Variants in CAMKMT observed in about 807,000 individuals in gnomAD.
CAMKMT encodes CaM KMT.
CAMKMT carries 53 observed loss-of-function variants against 48.0 expected under a neutral mutation model. The observed-to-expected ratio is 1.10, with a 90% confidence interval of 0.89 to 1.39. The LOEUF is 1.39. CAMKMT is among the 40% of genes most tolerant of loss of function. The probability of loss-of-function intolerance (pLI) is 0.00; values close to 1 mark genes in which losing one functional copy is unlikely to be tolerated. For missense variants in CAMKMT, 428 were observed against 402.7 expected (o/e 1.06, Z -0.54); for synonymous variants, 165 against 152.3 (o/e 1.08, Z -0.61).
chr2:44,373,734 C>T (rs756561815), intron 2 of CAMKMT, among the ~76,000 whole-genome samples: 10 of 152,030 alleles, frequency 6.6e-5, no homozygotes, highest in Non-Finnish European at 1.5e-5. Context: ...AATATCTAAG[C>T]TTTAAAACAT....
At chr2:44,712,254 A>G (rs1677924536) in intron 6 of CAMKMT, among the ~76,000 whole-genome samples, 1 of 152,114 alleles carries the variant, frequency 6.6e-6, no homozygotes, top group South Asian at 2.1e-4. Context: ...TCCAGCGAAA[A>G]TAAAGATAAC....
intron 3 of CAMKMT, among the ~76,000 whole-genome samples, chr2:44,515,413 G>A (rs1670786396): frequency 6.6e-6 from 1 of 152,144 alleles, no homozygotes; most frequent in African/African-American, 2.4e-5. Flanking sequence ...TCTGGTAAGG[G>A]ATATCTATAA....
intron 1 of CAMKMT, among the ~76,000 whole-genome samples, chr2:44,370,515 G>A (rs1032721717): frequency 1.4e-4 from 21 of 151,914 alleles, no homozygotes; most frequent in African/African-American, 5.1e-4. Flanking sequence ...TAACCTCCCT[G>A]TATCACATTG....
intron 2 of CAMKMT, among the ~76,000 whole-genome samples, chr2:44,383,324 C>T (rs1290501710): frequency 6.6e-6 from 1 of 151,968 alleles, no homozygotes; most frequent in East Asian, 1.9e-4. Context: ...GCCACCACAC[C>T]CGGCTAATTT....
chr2:44,412,885 G>A (rs970404391), intron 3 of CAMKMT, among the ~76,000 whole-genome samples: 4 of 151,526 alleles, frequency 2.6e-5, no homozygotes, highest in Non-Finnish European at 4.4e-5. Flanking sequence ...AGACCAGCTT[G>A]ACCAACATGG....
chr2:44,739,072 G>A (rs1355574465), intron 7 of CAMKMT, among the ~76,000 whole-genome samples: 2 of 152,156 alleles, frequency 1.3e-5, no homozygotes, highest in Non-Finnish European at 2.9e-5. Flanking sequence ...TGGTAACCAG[G>A]CCCAATTGTG....
chr2:44,364,038 AAGAT>A (rs1678331309), intron 1 of CAMKMT, among the ~76,000 whole-genome samples: 1 of 137,384 alleles, frequency 7.3e-6, no homozygotes, highest in Non-Finnish European at 1.6e-5. Context: ...TTTTTTAAAT[AAGAT>A]AGAGTCTTGC....
At chr2:44,655,664 A>G (rs1674339219) in intron 3 of CAMKMT, among the ~76,000 whole-genome samples, 1 of 152,322 alleles carries the variant, frequency 6.6e-6, no homozygotes, top group South Asian at 2.1e-4. Context: ...ATTTAAAGCA[A>G]GGAGCAGAGA....
chr2:44,694,692 A>T (rs1676842980), intron 3 of CAMKMT, among the ~76,000 whole-genome samples: 1 of 152,240 alleles, frequency 6.6e-6, no homozygotes, highest in African/African-American at 2.4e-5. Flanking sequence ...CAGCTGTTTT[A>T]GTGTTGGCTG....
intron 3 of CAMKMT, among the ~76,000 whole-genome samples, chr2:44,585,260 G>T (rs1245357858): frequency 6.6e-6 from 1 of 152,130 alleles, no homozygotes; most frequent in Non-Finnish European, 1.5e-5. Flanking sequence ...CACTGTCTTG[G>T]CTTTGCAAAG....
At chr2:44,560,725 T>C (rs1245345363) in intron 3 of CAMKMT, among the ~76,000 whole-genome samples, 1 of 152,226 alleles carries the variant, frequency 6.6e-6, no homozygotes, top group African/African-American at 2.4e-5. Flanking sequence ...TTCAAAATCA[T>C]CTGAACAAAG....
At chr2:44,617,258 C>T (rs1671943126) in intron 3 of CAMKMT, among the ~76,000 whole-genome samples, 1 of 152,126 alleles carries the variant, frequency 6.6e-6, no homozygotes, top group African/African-American at 2.4e-5. Flanking sequence ...TTAATATTGA[C>T]CCATAACTGT....
chr2:44,686,686 T>C (rs989572273), intron 3 of CAMKMT, among the ~76,000 whole-genome samples: 4 of 152,186 alleles, frequency 2.6e-5, no homozygotes, highest in African/African-American at 9.7e-5. Context: ...ATGGGAGCAT[T>C]TTCTTAATCT....
At chr2:44,639,999 T>C (rs1673360221) in intron 3 of CAMKMT, among the ~76,000 whole-genome samples, 1 of 152,182 alleles carries the variant, frequency 6.6e-6, no homozygotes, top group South Asian at 2.1e-4. Context: ...GCAGGAAGCA[T>C]CTATCAAGTA....
At chr2:44,521,725 A>G (rs1471312458) in intron 3 of CAMKMT, among the ~76,000 whole-genome samples, 1 of 152,180 alleles carries the variant, frequency 6.6e-6, no homozygotes, top group Non-Finnish European at 1.5e-5. Context: ...TTCCATAAAG[A>G]CAGGTTATAA....
chr2:44,423,379 C>G (rs548806175), intron 3 of CAMKMT, among the ~76,000 whole-genome samples: 3 of 152,098 alleles, frequency 2.0e-5, no homozygotes, highest in African/African-American at 7.2e-5. Flanking sequence ...GGGGTGTTAC[C>G]ATATTGGCCA....
At chr2:44,606,145 C>T (rs1671267135) in intron 3 of CAMKMT, among the ~76,000 whole-genome samples, 1 of 152,126 alleles carries the variant, frequency 6.6e-6, no homozygotes, top group Non-Finnish European at 1.5e-5. Flanking sequence ...ACAAAATCAG[C>T]TGTCTACTAC....
intron 3 of CAMKMT, among the ~76,000 whole-genome samples, chr2:44,411,877 T>C (rs2104479680): frequency 6.6e-6 from 1 of 152,168 alleles, no homozygotes; most frequent in African/African-American, 2.4e-5. Context: ...CTTTAACCTC[T>C]CTTTCATTGT....
At chr2:44,712,061 A>G (rs1286004161) in intron 6 of CAMKMT, among the ~76,000 whole-genome samples, 2 of 152,204 alleles carry the variant, frequency 1.3e-5, no homozygotes, top group Non-Finnish European at 2.9e-5. Flanking sequence ...CATTGCTAAC[A>G]GAGTTTATAG....
Sources: gnomAD v4.1 joint callset for allele counts (sites outside exome capture counted in the v4.1 genomes callset) on GRCh38, gnomAD v4.1.1 for gene constraint, MANE v1.5 for transcripts, NCBI Gene and HGNC (gene_info 2026-07-23, HGNC 2026-07-21) for gene names.